KRT33A: variants seen among roughly 807,000 people sequenced by gnomAD.
KRT33A encodes the protein keratin, type I cuticular Ha3-I.
In KRT33A, 44 loss-of-function variants were observed where a neutral mutation model predicts 41.1. That is an observed-to-expected ratio of 1.07 (90% CI 0.84 to 1.38). The LOEUF (loss-of-function observed/expected upper bound fraction) is 1.38. KRT33A is among the 40% of genes most tolerant of loss of function. The pLI is 0.00. For synonymous variants in KRT33A, 229 were observed against 227.8 expected, an observed-to-expected ratio of 1.01 and a Z score of -0.05; for missense variants, 536 against 518.5, an observed-to-expected ratio of 1.03 and a Z score of -0.33.
rs371561302 is a variant in KRT33A, at chr17:41,348,630, G to C, written c.441C>G (p.Thr147=). 1 of 1,613,992 alleles carries C rather than the reference G, an allele frequency of 6.2e-7. No individual in the cohort carries two copies. Among genetic ancestry groups the C allele is most frequent in the Non-Finnish European group, 8.5e-7 (1 of 1,180,038 alleles). Residue 147 remains threonine (T), a synonymous_variant, in exon 3 of 7, where the codon ACC becomes ACG. Coordinates refer to ENST00000007735, the MANE Select transcript of KRT33A (RefSeq NM_004138.4). ...CCACCAGCTGCCGCAGGGACAGCTCGGTCTCATATCTGTGATCACAGGAGG... is the reference window on the plus strand; with the variant it reads ...CCACCAGCTGCCGCAGGGACAGCTCCGTCTCATATCTGTGATCACAGGAGG... ...ASDDFRTKYE[T]ELSLRQLVES...
At chr17:41,346,379 C>G in intron 6 of KRT33A, 69 bp downstream of exon 6, 6 of 1,599,134 alleles carry the variant, frequency 3.8e-6, no homozygotes, top group Non-Finnish European at 5.1e-6. Context: ...TCATTTCCAT[C>G]AAGAAGACTA....
intron 1 of KRT33A, among the ~76,000 whole-genome samples, chr17:41,350,085 G>C (rs1371618603): frequency 6.6e-6 from 1 of 152,160 alleles, no homozygotes; most frequent in Non-Finnish European, 1.5e-5. Context: ...CTTTACAAAA[G>C]ATTCCGTTTC....
intron 3 of KRT33A, 91 bp from the exon 4 acceptor site, chr17:41,347,313 C>T (rs1025021838): frequency 2.0e-5 from 28 of 1,431,104 alleles, no homozygotes; most frequent in Non-Finnish European, 2.5e-5. Context: ...CATTCTTAAG[C>T]TTTCAAGAAA....
intron 4 of KRT33A, 37 bp downstream of exon 4, chr17:41,347,024 C>T: frequency 6.2e-7 from 1 of 1,611,214 alleles, no homozygotes; most frequent in Non-Finnish European, 8.5e-7. Flanking sequence ...CCCTGGGGGG[C>T]CTCGGGTCCT....
intron 1 of KRT33A, among the ~76,000 whole-genome samples, chr17:41,349,832 G>A (rs1351612195): frequency 6.6e-6 from 1 of 151,874 alleles, no homozygotes; most frequent in Non-Finnish European, 1.5e-5. Flanking sequence ...ACTGGATCAG[G>A]GAAGAAGCCA....
Position 41,350,618 on chromosome 17 carries a change from G to T in KRT33A, c.150C>A (p.Gly50=). The change falls in exon 1 of 7, where the codon GGC becomes GGA. Residue 50 remains glycine (G), a synonymous_variant. Coordinates refer to ENST00000007735, the MANE Select transcript of KRT33A (RefSeq NM_004138.4). The part of the protein sequence containing the change: ...NVSNCNWFCE[G]SFNGSEKETM... ...TCTCCTTCTCACTGCCATTGAAGGA[G>T]CCCTCACAGAACCAGTTGCAGTTGC... The T allele has an allele frequency of 6.2e-7, 1 of 1,612,850 alleles. No homozygotes were observed. Among genetic ancestry groups the T allele is most frequent in the Non-Finnish European group, 8.5e-7 (1 of 1,180,038 alleles).
intron 3 of KRT33A, 21 bp from the exon 4 acceptor site, chr17:41,347,243 T>G: frequency 6.3e-7 from 1 of 1,579,478 alleles, no homozygotes; most frequent in Non-Finnish European, 8.6e-7. Flanking sequence ...AAGGGCAAAA[T>G]TTTAAATTTC....
At chr17:41,350,272 T>G (rs950174234) in intron 1 of KRT33A, 148 bp downstream of exon 1, 33 of 841,378 alleles carry the variant, frequency 3.9e-5, no homozygotes, top group Admixed American at 8.5e-5. Flanking sequence ...GTCCCAAGTC[T>G]AGTATTAGAT....
intron 1 of KRT33A, among the ~76,000 whole-genome samples, chr17:41,349,745 G>A (rs2017477887): frequency 6.6e-6 from 1 of 151,744 alleles, no homozygotes; most frequent in Admixed American, 6.6e-5. Context: ...ACAAAAATTG[G>A]TAAGCACTTG....
intron 3 of KRT33A, 133 bp downstream of exon 3, chr17:41,348,350 T>TACATATCC: frequency 1.1e-6 from 1 of 896,822 alleles, no homozygotes; most frequent in Non-Finnish European, 1.7e-6. Flanking sequence ...AGTCATTCTC[T>TACATATCC]ACATATCCCT....
intron 3 of KRT33A, 111 bp downstream of exon 3, chr17:41,348,372 G>A (rs893973780): frequency 3.1e-4 from 347 of 1,106,920 alleles, no homozygotes; most frequent in Non-Finnish European, 4.6e-4. Context: ...TTTGTATGCA[G>A]AATTACTTCC....
rs371561302 is a variant in KRT33A at position 41,348,630 on chromosome 17, G to A, written c.441C>T (p.Thr147=). 74 of 1,613,994 alleles carry A rather than the reference G, an allele frequency of 4.6e-5. No individual in the cohort carries two copies. The African/African-American group carries it at 7.7e-4, about 17-fold the overall frequency. Reference sequence around the variant, plus strand: ...CCACCAGCTGCCGCAGGGACAGCTCGGTCTCATATCTGTGATCACAGGAGG... The same window carrying A: ...CCACCAGCTGCCGCAGGGACAGCTCAGTCTCATATCTGTGATCACAGGAGG... ...ASDDFRTKYE[T]ELSLRQLVES... is the part of the protein sequence containing the mutation. Residue 147 remains threonine (T), a synonymous_variant, in exon 3 of 7, where the codon ACC becomes ACT. Coordinates refer to ENST00000007735, the MANE Select transcript of KRT33A (RefSeq NM_004138.4).
Position 41,347,127 on chromosome 17 carries a change from G to A in KRT33A, c.684C>T (p.Thr228=), listed in dbSNP as rs1425512929. The A allele has an allele frequency of 3.1e-6, 5 of 1,614,048 alleles. No homozygotes were observed. Among genetic ancestry groups the A allele is most frequent in the Non-Finnish European group, 3.4e-6 (4 of 1,180,030 alleles). ...TVDLNQVLNE[T]RSQYEALVET... Reference sequence around the variant, plus strand: ...CCACCAGGGCCTCATACTGACTCCTGGTCTCATTCAGGACCTGGTTCAGGT... The same window carrying A: ...CCACCAGGGCCTCATACTGACTCCTAGTCTCATTCAGGACCTGGTTCAGGT... The change falls in exon 4 of 7, where the codon ACC becomes ACT. Residue 228 remains threonine (T), a synonymous_variant. Transcript: ENST00000007735.
In KRT33A at chr17:41,346,544, C is replaced by T. The variant is rs896373251; in HGVS notation, c.1001G>A (p.Arg334Gln). The T allele has an allele frequency of 1.1e-5, 17 of 1,614,064 alleles. No individual in the cohort carries two copies. Among genetic ancestry groups the T allele is most frequent in the African/African-American group, 2.7e-5 (2 of 74,926 alleles). The change falls in exon 6 of 7, where the codon CGG becomes CAG. Residue 334 changes from arginine to glutamine, a missense_variant. Physicochemically the swap from Arg to Gln is conservative, Grantham distance 43. Coordinates refer to ENST00000007735, the MANE Select transcript of KRT33A (RefSeq NM_004138.4). ...QLAEIRSDLE[R>Q]QNQEYQVLLD... ...CAGCACCTGATACTCCTGGTTCTGC[C>T]GCTCCAGGTCACTGCGGATCTCCGC...
rs779299752 is a variant in KRT33A, at chr17:41,349,351, C to T, written c.426G>A (p.Arg142=). 2 of 1,614,012 alleles carry T rather than the reference C, an allele frequency of 1.2e-6. No homozygotes were observed. ...CACCCCGCTTGCCCACTCACTTGGTCCTGAAGTCATCTGAGGCCAGCTTGG... is the reference window on the plus strand; with the variant it reads ...CACCCCGCTTGCCCACTCACTTGGTTCTGAAGTCATCTGAGGCCAGCTTGG... The part of the protein sequence containing the change: ...DNAKLASDDF[R]TKYETELSLR... The change falls in exon 2 of 7, where the codon AGG becomes AGA. Residue 142 remains arginine (R), a synonymous_variant. Coordinates refer to ENST00000007735, the MANE Select transcript of KRT33A (RefSeq NM_004138.4).
At chr17:41,349,957 C>G (rs2017481593) in intron 1 of KRT33A, among the ~76,000 whole-genome samples, 1 of 152,064 alleles carries the variant, frequency 6.6e-6, no homozygotes, top group Admixed American at 6.6e-5. Context: ...CCAGGAGAAG[C>G]CCAGAGGCAT....
chr17:41,346,674 G>A lies in KRT33A; in HGVS notation c.877-6C>T. On this transcript the variant is annotated splice_region_variant and splice_polypyrimidine_tract_variant and intron_variant, in intron 5 of 6. Coordinates refer to ENST00000007735, the MANE Select transcript of KRT33A (RefSeq NM_004138.4). The stretch of plus-strand genomic sequence containing the variant: ...GTGTTTTCCAGAGAGTCTCGCTGTG[G>A]TGGGGAAGATTGAGAGTGTCAGAGA... 2 of 1,614,168 alleles carry A rather than the reference G, an allele frequency of 1.2e-6. No individual in the cohort carries two copies. Among genetic ancestry groups the A allele is most frequent in the African/African-American group, 1.3e-5 (1 of 75,040 alleles).
At chr17:41,349,531 T>G in intron 1 of KRT33A, 103 bp from the exon 2 acceptor site, 1 of 1,161,112 alleles carries the variant, frequency 8.6e-7, no homozygotes, top group Non-Finnish European at 1.3e-6. Flanking sequence ...GATGTCTATC[T>G]TATTAAATGC....
intron 1 of KRT33A, among the ~76,000 whole-genome samples, chr17:41,349,723 G>A (rs2017477373): frequency 6.6e-6 from 1 of 151,832 alleles, no homozygotes; most frequent in South Asian, 2.1e-4. Flanking sequence ...CATGATACTA[G>A]GAGCTGAGGA....
Sources: gnomAD v4.1 joint callset for allele counts (sites outside exome capture counted in the v4.1 genomes callset) on GRCh38, gnomAD v4.1.1 for gene constraint, MANE v1.5 for transcripts, NCBI Gene and HGNC (gene_info 2026-07-23, HGNC 2026-07-21) for gene names.